Variants in SUPT3H observed in about 807,000 individuals in gnomAD.
The protein encoded by SUPT3H is SPT3 homolog, SAGA and STAGA complex component.
A neutral mutation model predicts 44.3 loss-of-function variants in SUPT3H; 44 were observed. That is an observed-to-expected ratio of 0.99 (90% CI 0.78 to 1.28). The LOEUF is 1.28. Among genes scored for constraint, SUPT3H ranks in the 50% most tolerant of loss-of-function variants. SUPT3H has a pLI of 0.00. For missense variants in SUPT3H, 380 were observed against 387.1 expected (o/e 0.98, Z 0.15); for synonymous variants, 124 against 125.6 (o/e 0.99, Z 0.09).
chr6:45,170,517 C>A (rs1364866127), intron 2 of SUPT3H, among the ~76,000 whole-genome samples: 2 of 152,202 alleles, frequency 1.3e-5, no homozygotes, highest in African/African-American at 4.8e-5. Context: ...GAAATCAGTT[C>A]AGCGAAATTC....
intron 2 of SUPT3H, among the ~76,000 whole-genome samples, chr6:45,138,476 G>A (rs1185057061): frequency 6.6e-6 from 1 of 151,778 alleles, no homozygotes; most frequent in Non-Finnish European, 1.5e-5. Context: ...TGGTGAATGC[G>A]ATAAAAAAAA....
intron 2 of SUPT3H, among the ~76,000 whole-genome samples, chr6:45,345,684 G>A (rs753053630): frequency 2.6e-5 from 4 of 152,018 alleles, no homozygotes; most frequent in Non-Finnish European, 4.4e-5. Flanking sequence ...ACTACAATAG[G>A]TCTTTCCACA....
intron 3 of SUPT3H, among the ~76,000 whole-genome samples, chr6:45,056,781 T>C (rs1791195866): frequency 6.6e-6 from 1 of 152,044 alleles, no homozygotes; most frequent in African/African-American, 2.4e-5. Context: ...TATACCAAAA[T>C]ATCAGAAATC....
intron 3 of SUPT3H, among the ~76,000 whole-genome samples, chr6:45,077,823 A>C (rs1177680379): frequency 1.3e-5 from 2 of 152,198 alleles, no homozygotes; most frequent in Non-Finnish European, 2.9e-5. Flanking sequence ...TTTGCCTAAA[A>C]TTTCAAGAAG....
At chr6:45,318,346 T>G (rs893212850) in intron 2 of SUPT3H, among the ~76,000 whole-genome samples, 2 of 152,118 alleles carry the variant, frequency 1.3e-5, no homozygotes, top group Non-Finnish European at 2.9e-5. Context: ...GACAGGACAT[T>G]ATACATTTGG....
At chr6:45,124,471 C>T (rs1003627203) in intron 2 of SUPT3H, among the ~76,000 whole-genome samples, 2 of 151,388 alleles carry the variant, frequency 1.3e-5, no homozygotes, top group Non-Finnish European at 2.9e-5. Flanking sequence ...TGGTGAAACC[C>T]CCCCCTCTAC....
chr6:44,824,780 A>G (rs1017420419), downstream of SUPT3H, among the ~76,000 whole-genome samples: 2 of 152,208 alleles, frequency 1.3e-5, no homozygotes, highest in Non-Finnish European at 2.9e-5. Flanking sequence ...ACTGAGTGGA[A>G]TGGAAAACTA....
downstream of SUPT3H, among the ~76,000 whole-genome samples, chr6:44,822,520 T>C (rs1767397860): frequency 2.6e-5 from 4 of 152,326 alleles, no homozygotes; most frequent in South Asian, 2.1e-4. Context: ...TAGATTCAGA[T>C]GGAACTCAAA....
At chr6:45,281,529 C>T (rs531760554) in intron 2 of SUPT3H, among the ~76,000 whole-genome samples, 232 of 152,284 alleles carry the variant, frequency 1.5e-3, no homozygotes, top group African/African-American at 5.4e-3. Context: ...TGCAAGGTGG[C>T]AGCGAGGTTG....
intron 10 of SUPT3H, among the ~76,000 whole-genome samples, chr6:44,902,253 A>T (rs1296404529): frequency 1.3e-5 from 2 of 152,214 alleles, no homozygotes; most frequent in Non-Finnish European, 2.9e-5. Context: ...GTCATGATCC[A>T]TCAGTGTGCT....
intron 6 of SUPT3H, among the ~76,000 whole-genome samples, chr6:44,997,576 G>A (rs1394471457): frequency 6.6e-6 from 1 of 151,720 alleles, no homozygotes; most frequent in Admixed American, 6.6e-5. Context: ...TTACATTGAT[G>A]CTCAAGGATT....
At chr6:45,174,364 T>C (rs1356409165) in intron 2 of SUPT3H, among the ~76,000 whole-genome samples, 1 of 152,240 alleles carries the variant, frequency 6.6e-6, no homozygotes, top group East Asian at 1.9e-4. Flanking sequence ...ATTAATCTTT[T>C]ACATCTCTGG....
chr6:45,165,924 T>C (rs1809767311), intron 2 of SUPT3H, among the ~76,000 whole-genome samples: 1 of 152,138 alleles, frequency 6.6e-6, no homozygotes, highest in African/African-American at 2.4e-5. Flanking sequence ...AGATGCATAT[T>C]GGAGGAAAAT....
At chr6:44,833,709 T>C (rs1012691860) in intron 10 of SUPT3H, among the ~76,000 whole-genome samples, 1 of 152,140 alleles carries the variant, frequency 6.6e-6, no homozygotes, top group African/African-American at 2.4e-5. Flanking sequence ...AGATTTTGGA[T>C]TTAAAACCCA....
chr6:44,907,545 G>A (rs942571083), intron 10 of SUPT3H, among the ~76,000 whole-genome samples: 3 of 152,126 alleles, frequency 2.0e-5, no homozygotes, highest in Non-Finnish European at 4.4e-5. Context: ...AGGCATGGTG[G>A]TACACAACTG....
chr6:45,226,005 C>G (rs1766872092), intron 2 of SUPT3H, among the ~76,000 whole-genome samples: 1 of 152,150 alleles, frequency 6.6e-6, no homozygotes, highest in African/African-American at 2.4e-5. Context: ...TAAACACTGT[C>G]ATCTTCACAA....
chr6:45,237,069 G>C (rs1240056688), intron 2 of SUPT3H, among the ~76,000 whole-genome samples: 1 of 152,162 alleles, frequency 6.6e-6, no homozygotes, highest in African/African-American at 2.4e-5. Flanking sequence ...TCCTGACTGT[G>C]CCATATGTGG....
In SUPT3H at chr6:45,246,073, T is replaced by C. The variant is rs184707084; in HGVS notation, c.101+119128A>G. The stretch of plus-strand genomic sequence containing the variant: ...CTAATTGGCCACCTGTATATTTTCT[T>C]TGGAGAATGTTTATTCAACATTTTT... On this transcript the variant is annotated intron_variant, in intron 2 of 10. Coordinates refer to ENST00000371459, the MANE Select transcript of SUPT3H (RefSeq NM_003599.4). 3.2e-3 allele frequency among the ~76,000 whole-genome samples: 482 copies of C among 152,258 alleles called. 16 individuals carry two copies. The highest frequency in any genetic ancestry group is 0.028 in the Admixed American group (427 of 15,300).
chr6:44,966,873 C>CTGA (rs1465730970), intron 6 of SUPT3H, among the ~76,000 whole-genome samples: 7 of 152,200 alleles, frequency 4.6e-5, no homozygotes, highest in Non-Finnish European at 5.9e-5. Flanking sequence ...TTTATTCATA[C>CTGA]TGAACATTCT....
Sources: allele counts gnomAD v4.1 joint callset (sites outside exome capture counted in the v4.1 genomes callset), GRCh38; gene constraint gnomAD v4.1.1; transcripts MANE v1.5; gene names NCBI Gene and HGNC (gene_info 2026-07-23, HGNC 2026-07-21).